Variants in HMGCLL1 observed in about 807,000 individuals in gnomAD.
The protein encoded by HMGCLL1 is 3-hydroxy-3-methylglutaryl-CoA lyase like 1.
A neutral mutation model predicts 39.1 loss-of-function variants in HMGCLL1; 36 were observed. That is an observed-to-expected ratio of 0.92 (90% CI 0.71 to 1.22). The LOEUF is 1.22. HMGCLL1 is among the 50% of genes most tolerant of loss of function. The probability of loss-of-function intolerance (pLI) is 0.00; values close to 1 mark genes in which losing one functional copy is unlikely to be tolerated. For missense variants in HMGCLL1, 451 were observed against 416.5 expected, an observed-to-expected ratio of 1.08 and a Z score of -0.72; for synonymous variants, 149 against 144.0, an observed-to-expected ratio of 1.03 and a Z score of -0.25.
chr6:55,459,785 T>C (rs1031399143), intron 7 of HMGCLL1, among the ~76,000 whole-genome samples: 4 of 151,968 alleles, frequency 2.6e-5, no homozygotes, highest in Non-Finnish European at 5.9e-5. Flanking sequence ...CAAACACTTT[T>C]CAAATTTCAC....
chr6:55,579,274 C>G (rs573974807), upstream of HMGCLL1: 9 of 586,088 alleles, frequency 1.5e-5, no homozygotes, highest in Admixed American at 2.7e-4. Flanking sequence ...GGGGCACCTG[C>G]GGGAATCGAC....
At chr6:55,502,068 T>C (rs10948928) in intron 5 of HMGCLL1, among the ~76,000 whole-genome samples, 102,454 of 151,650 alleles carry the variant, frequency 0.68, 34,629 homozygotes, top group Non-Finnish European at 0.7. Flanking sequence ...AGTGAATACA[T>C]AGTAGTTCTT....
the HMGCLL1 span, among the ~76,000 whole-genome samples, chr6:55,654,128 C>G: frequency 6.6e-6 from 1 of 151,962 alleles, no homozygotes; most frequent in South Asian, 2.1e-4. Flanking sequence ...ACCACCTAAT[C>G]CTACCTTTCA....
At chr6:55,582,875 ATATG>A (rs1772008923), upstream of HMGCLL1, among the ~76,000 whole-genome samples, 1 of 152,148 alleles carries the variant, frequency 6.6e-6, no homozygotes, top group Non-Finnish European at 1.5e-5. Context: ...ATGTATACAT[ATATG>A]TATGTACACA....
At chr6:55,589,794 C>T in the HMGCLL1 span, among the ~76,000 whole-genome samples, 1 of 152,136 alleles carries the variant, frequency 6.6e-6, no homozygotes, top group African/African-American at 2.4e-5. Flanking sequence ...AGTGAACTCC[C>T]ATTCACAATT....
intron 3 of HMGCLL1, among the ~76,000 whole-genome samples, chr6:55,540,795 A>G (rs987189051): frequency 1.3e-5 from 2 of 152,258 alleles, no homozygotes; most frequent in South Asian, 2.1e-4. Flanking sequence ...CATCCACCTG[A>G]AGTTTATCAG....
chr6:55,651,993 A>G, the HMGCLL1 span, among the ~76,000 whole-genome samples: 1 of 152,064 alleles, frequency 6.6e-6, no homozygotes, highest in East Asian at 1.9e-4. Flanking sequence ...TTGTTGATTC[A>G]AGGCTGTCTC....
intron 5 of HMGCLL1, among the ~76,000 whole-genome samples, chr6:55,505,616 TTTCTCCTAAGCC>T (rs1235317904): frequency 2.0e-5 from 3 of 151,680 alleles, no homozygotes; most frequent in African/African-American, 7.2e-5. Context: ...ACTGATTTTA[TTTCTCCTAAGCC>T]TACTATTAGA....
chr6:55,485,647 G>A (rs1414787188), intron 7 of HMGCLL1, among the ~76,000 whole-genome samples: 1 of 151,554 alleles, frequency 6.6e-6, no homozygotes, highest in African/African-American at 2.4e-5. Flanking sequence ...CAAAGAACAA[G>A]AACAACAATT....
In HMGCLL1 at chr6:55,562,571, C is replaced by T. The variant is rs1028684766; in HGVS notation, c.108+16377G>A. On this transcript the variant is annotated intron_variant, in intron 1 of 8. Transcript: ENST00000274901. ...GTGGAGAGAAAACATCAACAGCTGA[C>T]TTACATGGATTTTGTCCAGTAATAG... Among the ~76,000 whole-genome samples the T allele has an allele frequency of 2.0e-5, 3 of 152,086 alleles. No homozygotes were observed. In the South Asian group the frequency reaches 6.2e-4, roughly 31 times the overall value.
chr6:55,456,982 G>A (rs1764351425), intron 7 of HMGCLL1, among the ~76,000 whole-genome samples: 1 of 152,206 alleles, frequency 6.6e-6, no homozygotes, highest in Non-Finnish European at 1.5e-5. Flanking sequence ...TTGTGTTCTA[G>A]TTACCTGGTT....
chr6:55,626,019 G>A, the HMGCLL1 span, among the ~76,000 whole-genome samples: 1 of 152,260 alleles, frequency 6.6e-6, no homozygotes, highest in South Asian at 2.1e-4. Flanking sequence ...ACTCAGTAAT[G>A]TGGGCTTCCA....
At chr6:55,549,768 T>C (rs879382578) in intron 1 of HMGCLL1, among the ~76,000 whole-genome samples, 9 of 148,274 alleles carry the variant, frequency 6.1e-5, no homozygotes, top group African/African-American at 1.0e-4. Context: ...ATTTCATTAC[T>C]TTTTTTTTGT....
the HMGCLL1 span, among the ~76,000 whole-genome samples, chr6:55,618,331 A>G: frequency 6.6e-6 from 1 of 152,026 alleles, no homozygotes; most frequent in Admixed American, 6.6e-5. Context: ...TTCACCAAAA[A>G]AAGTAAAAAA....
chr6:55,669,854 A>T, the HMGCLL1 span, among the ~76,000 whole-genome samples: 1 of 151,804 alleles, frequency 6.6e-6, no homozygotes, highest in African/African-American at 2.4e-5. Context: ...GCCTCAAGGA[A>T]ATGTGGAGCA....
intron 3 of HMGCLL1, among the ~76,000 whole-genome samples, chr6:55,527,819 G>T (rs905287962): frequency 6.6e-6 from 1 of 151,982 alleles, no homozygotes; most frequent in Non-Finnish European, 1.5e-5. Context: ...ATCTTGCTCA[G>T]AGAAATATCA....
the HMGCLL1 span, among the ~76,000 whole-genome samples, chr6:55,619,753 TC>T: frequency 6.6e-6 from 1 of 152,086 alleles, no homozygotes; most frequent in Non-Finnish European, 1.5e-5. Context: ...TATTGTTATC[TC>T]CAGTCACTCT....
chr6:55,614,838 A>T, the HMGCLL1 span, among the ~76,000 whole-genome samples: 1 of 152,104 alleles, frequency 6.6e-6, no homozygotes, highest in African/African-American at 2.4e-5. Context: ...ATATTCTGAC[A>T]TATGGTCACT....
upstream of HMGCLL1, among the ~76,000 whole-genome samples, chr6:55,580,033 A>G (rs1471653138): frequency 6.6e-6 from 1 of 152,182 alleles, no homozygotes; most frequent in African/African-American, 2.4e-5. Context: ...CGTGCAGGAT[A>G]CCTAGGGTCT....
Sources: allele counts gnomAD v4.1 joint callset (sites outside exome capture counted in the v4.1 genomes callset), GRCh38; gene constraint gnomAD v4.1.1; transcripts MANE v1.5; gene names NCBI Gene and HGNC (gene_info 2026-07-23, HGNC 2026-07-21).